The following CDH19 variants were observed in gnomAD, a reference collection of about 807,000 sequenced individuals.
CDH19 encodes cadherin-19.
In CDH19, 67 loss-of-function variants were observed where a neutral mutation model predicts 64.2. The observed-to-expected ratio is 1.04, with a 90% CI of 0.86 to 1.28. CDH19 has a LOEUF of 1.28. CDH19 is among the 50% of genes most tolerant of loss of function. CDH19 has a pLI of 0.00. For missense variants in CDH19, 1,030 were observed against 929.0 expected (o/e 1.11, Z -1.41); for synonymous variants, 346 against 319.3 (o/e 1.08, Z -0.89).
chr18:66,538,927 T>C (rs1337788757), intron 7 of CDH19, among the ~76,000 whole-genome samples: 1 of 152,100 alleles, frequency 6.6e-6, no homozygotes, highest in African/African-American at 2.4e-5. Flanking sequence ...TGCTCAGGTA[T>C]GACCTTATCT....
At chr18:66,524,012 G>C (rs1324021206) in intron 9 of CDH19, among the ~76,000 whole-genome samples, 1 of 152,060 alleles carries the variant, frequency 6.6e-6, no homozygotes, top group Non-Finnish European at 1.5e-5. Context: ...ATTGATCAGT[G>C]GCAGAGCCCA....
intron 1 of CDH19, among the ~76,000 whole-genome samples, chr18:66,576,014 G>A (rs774010154): frequency 1.3e-4 from 20 of 151,260 alleles, no homozygotes; most frequent in Non-Finnish European, 2.2e-4. Flanking sequence ...TGGTACATGC[G>A]CATATAATAA....
At chr18:66,601,192 A>T (rs776700205) in intron 1 of CDH19, among the ~76,000 whole-genome samples, 2 of 151,864 alleles carry the variant, frequency 1.3e-5, no homozygotes, top group African/African-American at 2.4e-5. Context: ...TATATTCTCC[A>T]CCAGGCCTTT....
At chr18:66,577,503 C>CA (rs529798016) in intron 1 of CDH19, among the ~76,000 whole-genome samples, 5 of 151,872 alleles carry the variant, frequency 3.3e-5, no homozygotes, top group Non-Finnish European at 7.4e-5. Context: ...GCTAAAACAC[C>CA]TGAGTATTCA....
At chr18:66,593,199 T>C (rs1239450841) in intron 1 of CDH19, among the ~76,000 whole-genome samples, 1 of 151,974 alleles carries the variant, frequency 6.6e-6, no homozygotes, top group Non-Finnish European at 1.5e-5. Flanking sequence ...AGTTCATAAA[T>C]TCTTGTTATA....
At chr18:66,523,012 CA>C (rs1239530289) in intron 9 of CDH19, among the ~76,000 whole-genome samples, 1 of 151,484 alleles carries the variant, frequency 6.6e-6, no homozygotes, top group Non-Finnish European at 1.5e-5. Context: ...ATAAAAATCA[CA>C]AAAAAATGAG....
At chr18:66,536,037 A>G (rs947444726) in intron 7 of CDH19, among the ~76,000 whole-genome samples, 1 of 150,146 alleles carries the variant, frequency 6.7e-6, no homozygotes, top group Admixed American at 6.7e-5. Context: ...AAGGGAAAAA[A>G]AAAACTGAAA....
chr18:66,551,368 G>A (rs1489098292), intron 4 of CDH19, 110 bp from the exon 5 acceptor site: 2 of 662,290 alleles, frequency 3.0e-6, no homozygotes, highest in Non-Finnish European at 5.3e-6. Context: ...TTGAACCACT[G>A]CAATGTGACA....
chr18:66,575,632 G>A (rs1988243958), intron 1 of CDH19, among the ~76,000 whole-genome samples: 2 of 151,776 alleles, frequency 1.3e-5, no homozygotes, highest in South Asian at 4.1e-4. Context: ...CTTCAATAAA[G>A]GAAAGTGGGA....
At chr18:66,515,304 A>G (rs1355157110) in intron 9 of CDH19, among the ~76,000 whole-genome samples, 2 of 151,742 alleles carry the variant, frequency 1.3e-5, no homozygotes, top group Non-Finnish European at 3.0e-5. Flanking sequence ...TATGTATGAG[A>G]CCATCACTTT....
intron 3 of CDH19, among the ~76,000 whole-genome samples, chr18:66,556,784 C>T (rs572103048): frequency 1.3e-5 from 2 of 151,844 alleles, no homozygotes; most frequent in African/African-American, 4.8e-5. Context: ...AAGACACACA[C>T]AAATAAATGG....
In CDH19 at chr18:66,572,822, A is replaced by C. The variant is rs7235630; in HGVS notation, c.-112-506T>G. Among the ~76,000 whole-genome samples the C allele has an allele frequency of 3.9e-3, 594 of 151,860 alleles. 1 individual carries two copies. Among genetic ancestry groups the C allele is most frequent in the African/African-American group, 0.013 (552 of 41,506 alleles). On this transcript the variant is annotated intron_variant, in intron 1 of 11. Coordinates refer to ENST00000262150, the MANE Select transcript of CDH19 (RefSeq NM_021153.4). Reference sequence around the variant, plus strand: ...ATGACAATTCAGCTTAAAACTGGTGAATTCAATAATCAGTTACACTGATAC... The same window carrying C: ...ATGACAATTCAGCTTAAAACTGGTGCATTCAATAATCAGTTACACTGATAC...
intron 1 of CDH19, among the ~76,000 whole-genome samples, chr18:66,601,144 T>C (rs1989028520): frequency 6.6e-6 from 1 of 151,934 alleles, no homozygotes; most frequent in African/African-American, 2.4e-5. Flanking sequence ...TGTTTATCTT[T>C]ATGTTTAGTA....
intron 5 of CDH19, among the ~76,000 whole-genome samples, chr18:66,546,693 G>A (rs1162560455): frequency 6.6e-6 from 1 of 152,068 alleles, no homozygotes; most frequent in Non-Finnish European, 1.5e-5. Flanking sequence ...GTAGTATTCT[G>A]GTGGAATGGC....
At chr18:66,597,701 T>C (rs1988937525) in intron 1 of CDH19, among the ~76,000 whole-genome samples, 1 of 152,068 alleles carries the variant, frequency 6.6e-6, no homozygotes, top group Admixed American at 6.6e-5. Flanking sequence ...AAACTATTCA[T>C]CCGACAAATC....
chr18:66,536,884 T>G (rs757947692), intron 7 of CDH19, among the ~76,000 whole-genome samples: 1 of 151,894 alleles, frequency 6.6e-6, no homozygotes, highest in Middle Eastern at 3.4e-3. Flanking sequence ...GAGACAAACA[T>G]CAGAAAATTC....
chr18:66,505,219 T>A lies in CDH19; in HGVS notation c.1912A>T (p.Ile638Leu). 1.2e-6 allele frequency: 2 copies of A among 1,609,846 alleles called. No homozygotes were observed. The highest frequency in any genetic ancestry group is 1.7e-6 in the Non-Finnish European group (2 of 1,178,564). ...CCCCCTTCATCATCATATTGGAATA[T>A]ATTCTCTCTGAAATCTTCACTTTTC... The part of the protein sequence containing the change: ...PEKSEDFREN[I>L]FQYDDEGGGE... The change falls in exon 12 of 12, where the codon ATA becomes TTA. Residue 638 changes from isoleucine (I) to leucine (L), a missense_variant. Coordinates refer to ENST00000262150, the MANE Select transcript of CDH19 (RefSeq NM_021153.4).
chr18:66,584,785 A>C (rs151124597), intron 1 of CDH19, among the ~76,000 whole-genome samples: 73 of 152,224 alleles, frequency 4.8e-4, no homozygotes, highest in Non-Finnish European at 9.0e-4. Context: ...TTTGCAGTCA[A>C]ACCTGTACAA....
chr18:66,518,814 C>A (rs922813783), intron 9 of CDH19, among the ~76,000 whole-genome samples: 3 of 152,036 alleles, frequency 2.0e-5, no homozygotes, highest in African/African-American at 7.2e-5. Flanking sequence ...TTGTTTTAAT[C>A]CTCTTTTCTA....
Sources: allele counts gnomAD v4.1 joint callset (sites outside exome capture counted in the v4.1 genomes callset), GRCh38; gene constraint gnomAD v4.1.1; transcripts MANE v1.5; gene names NCBI Gene and HGNC (gene_info 2026-07-23, HGNC 2026-07-21).